Variants in ARHGEF3 observed in about 807,000 individuals in gnomAD.
ARHGEF3 encodes Rho guanine nucleotide exchange factor 3.
Under a neutral mutation model 63.2 loss-of-function variants are expected in ARHGEF3, and 28 were observed. That is an observed-to-expected ratio of 0.44 (90% CI 0.33 to 0.61). ARHGEF3 has a LOEUF of 0.61. ARHGEF3 is among the 20% of genes least tolerant of loss of function. ARHGEF3 has a pLI of 0.03. For missense variants in ARHGEF3, 533 were observed against 659.3 expected (o/e 0.81, Z 2.10); for synonymous variants, 266 against 254.2 (o/e 1.05, Z -0.44).
At chr3:56,765,385 A>T (rs1179187083) in intron 2 of ARHGEF3, among the ~76,000 whole-genome samples, 1 of 152,084 alleles carries the variant, frequency 6.6e-6, no homozygotes, top group East Asian at 1.9e-4. Context: ...TTGGATACCC[A>T]TTACAAGACA....
intron 1 of ARHGEF3, among the ~76,000 whole-genome samples, chr3:57,061,926 G>C (rs904013804): frequency 2.6e-5 from 4 of 152,174 alleles, no homozygotes; most frequent in African/African-American, 7.2e-5. Context: ...GATTTAAATT[G>C]TTTCTCCGGT....
chr3:56,903,069 TAC>T (rs55802504), intron 3 of ARHGEF3, among the ~76,000 whole-genome samples: 50,918 of 147,942 alleles, frequency 0.34, 9,110 homozygotes, highest in Admixed American at 0.41. Flanking sequence ...TCTCTAAACA[TAC>T]ACACACACAC....
At chr3:56,893,954 T>C (rs535698078) in intron 3 of ARHGEF3, among the ~76,000 whole-genome samples, 2 of 151,718 alleles carry the variant, frequency 1.3e-5, no homozygotes, top group South Asian at 2.1e-4. Flanking sequence ...AGAGTTTAAA[T>C]GACTTGACTA....
chr3:56,745,518 C>T, intron 6 of ARHGEF3, 56 bp from the exon 7 acceptor site: 1 of 1,580,250 alleles, frequency 6.3e-7, no homozygotes, highest in Non-Finnish European at 8.6e-7. Flanking sequence ...AGCTCTGAGG[C>T]TACGGTGGCA....
At chr3:56,809,564 A>G (rs2037990186) in intron 4 of ARHGEF3, among the ~76,000 whole-genome samples, 1 of 152,190 alleles carries the variant, frequency 6.6e-6, no homozygotes, top group Non-Finnish European at 1.5e-5. Context: ...ATTTGAACTT[A>G]TAACTATCAG....
chr3:57,054,437 CTGGGCAGCATGG>C (rs1379120332), intron 1 of ARHGEF3, among the ~76,000 whole-genome samples: 2 of 150,526 alleles, frequency 1.3e-5, no homozygotes, highest in African/African-American at 2.4e-5. Flanking sequence ...CAAGACCAGC[CTGGGCAGCATGG>C]TGAAACCCTA....
At chr3:56,776,381 G>A (rs529926278) in intron 1 of ARHGEF3, among the ~76,000 whole-genome samples, 1 of 152,298 alleles carries the variant, frequency 6.6e-6, no homozygotes, top group Admixed American at 6.5e-5. Flanking sequence ...ACATTCCCAA[G>A]TAATGAACAA....
chr3:56,990,035 T>G (rs1701690064), intron 2 of ARHGEF3, among the ~76,000 whole-genome samples: 1 of 152,188 alleles, frequency 6.6e-6, no homozygotes, highest in Non-Finnish European at 1.5e-5. Context: ...GCTACCCAGC[T>G]TCGCTACCCA....
intron 4 of ARHGEF3, among the ~76,000 whole-genome samples, chr3:56,879,777 A>C (rs1190544111): frequency 6.6e-6 from 1 of 152,206 alleles, no homozygotes; most frequent in Admixed American, 6.5e-5. Flanking sequence ...CACAAAGATA[A>C]AGTTCCTTTG....
At chr3:56,866,510 C>T (rs555203908) in intron 4 of ARHGEF3, among the ~76,000 whole-genome samples, 1 of 152,272 alleles carries the variant, frequency 6.6e-6, no homozygotes, top group East Asian at 1.9e-4. Flanking sequence ...TTCCTACCTC[C>T]AACAATGCTG....
At chr3:56,986,115 G>T (rs917232143) in intron 2 of ARHGEF3, among the ~76,000 whole-genome samples, 1 of 152,174 alleles carries the variant, frequency 6.6e-6, no homozygotes, top group African/African-American at 2.4e-5. Context: ...AGGGATGCAT[G>T]AATCACCAGC....
At chr3:56,968,269 A>ATATATT (rs1700735467) in intron 2 of ARHGEF3, among the ~76,000 whole-genome samples, 1 of 38,570 alleles carries the variant, frequency 2.6e-5, no homozygotes, top group Non-Finnish European at 5.3e-5. Flanking sequence ...TTAAATATAT[A>ATATATT]ATATATAAAA....
At chr3:56,919,339 A>G (rs566564827) in intron 3 of ARHGEF3, among the ~76,000 whole-genome samples, 15 of 152,334 alleles carry the variant, frequency 9.8e-5, no homozygotes, top group African/African-American at 3.6e-4. Flanking sequence ...TAATCCTTCC[A>G]GACATTTCCT....
intron 3 of ARHGEF3, among the ~76,000 whole-genome samples, chr3:56,918,821 T>C (rs2042052209): frequency 6.6e-6 from 1 of 152,240 alleles, no homozygotes; most frequent in Non-Finnish European, 1.5e-5. Flanking sequence ...AACATGTTTA[T>C]GTATTGGTTT....
At chr3:56,787,718 GATA>G (rs58762340) in intron 1 of ARHGEF3, among the ~76,000 whole-genome samples, 2 of 150,744 alleles carry the variant, frequency 1.3e-5, no homozygotes, top group Non-Finnish European at 2.9e-5. Flanking sequence ...AACTTCCTCT[GATA>G]ATAATAATAA....
At chr3:56,838,620 T>A (rs1390844025) in intron 4 of ARHGEF3, among the ~76,000 whole-genome samples, 1 of 151,760 alleles carries the variant, frequency 6.6e-6, no homozygotes, top group African/African-American at 2.4e-5. Context: ...GGGAAGGAGG[T>A]CTGCACAGAC....
intron 3 of ARHGEF3, among the ~76,000 whole-genome samples, chr3:56,895,816 C>T (rs914895533): frequency 2.0e-5 from 3 of 152,116 alleles, no homozygotes; most frequent in Non-Finnish European, 4.4e-5. Flanking sequence ...CAGTTATTTT[C>T]CTTACAGTTG....
chr3:57,008,090 C>T (rs965747121), intron 2 of ARHGEF3, among the ~76,000 whole-genome samples: 3 of 152,100 alleles, frequency 2.0e-5, no homozygotes, highest in African/African-American at 7.2e-5. Context: ...GCTGAGATCT[C>T]CAAAATATAT....
chr3:57,003,946 A>G (rs576523467), intron 2 of ARHGEF3, among the ~76,000 whole-genome samples: 1 of 152,336 alleles, frequency 6.6e-6, no homozygotes, highest in South Asian at 2.1e-4. Context: ...GAACTGTAAA[A>G]TGATCAATGT....
Sources: allele counts gnomAD v4.1 joint callset (sites outside exome capture counted in the v4.1 genomes callset), GRCh38; gene constraint gnomAD v4.1.1; transcripts MANE v1.5; gene names NCBI Gene and HGNC (gene_info 2026-07-23, HGNC 2026-07-21).